Variants in TEX11 observed in about 807,000 individuals in gnomAD.
The protein encoded by TEX11 is testis expressed 11.
In TEX11, 7 loss-of-function variants were observed where a neutral mutation model predicts 84.4. The observed-to-expected ratio is 0.08, with a 90% CI of 0.05 to 0.16. TEX11 has a LOEUF of 0.16. Among genes scored for constraint, TEX11 ranks in the 10% least tolerant of loss-of-function variants. TEX11 has a pLI of 1.00. For synonymous variants in TEX11, 264 were observed against 222.8 expected (o/e 1.18, Z -1.64); for missense variants, 551 against 660.5 (o/e 0.83, Z 1.82).
intron 28 of TEX11, among the ~76,000 whole-genome samples, chrX:70,531,706 A>G (rs1195704916): frequency 9.0e-6 from 1 of 111,649 alleles, no homozygotes; most frequent in Non-Finnish European, 1.9e-5. Context: ...GGGGATGATG[A>G]AAATGTTCTA....
At chrX:70,773,728 G>A (rs1440418128) in intron 9 of TEX11, among the ~76,000 whole-genome samples, 2 of 111,716 alleles carry the variant, frequency 1.8e-5, no homozygotes, top group Non-Finnish European at 3.8e-5. Context: ...GCTAACTAAA[G>A]GCATCTCATA....
intron 25 of TEX11, among the ~76,000 whole-genome samples, chrX:70,573,195 C>G (rs1031884191): frequency 1.8e-5 from 2 of 110,763 alleles, no homozygotes; most frequent in African/African-American, 6.6e-5. Context: ...CCTGGAACCC[C>G]TACTATATTT....
At chrX:70,744,243 T>TATATATATATA in intron 9 of TEX11, 24 bp from the exon 10 acceptor site, 1 of 203,561 alleles carries the variant, frequency 4.9e-6, no homozygotes, top group Non-Finnish European at 7.8e-6. Context: ...GGAAAAAAAA[T>TATATATATATA]ATATATATAT....
intron 13 of TEX11, among the ~76,000 whole-genome samples, chrX:70,690,521 C>A (rs370085277): frequency 1.8e-5 from 2 of 110,763 alleles, no homozygotes; most frequent in South Asian, 3.9e-4. Context: ...AGTAAGACAC[C>A]CTGTCTCTAC....
chrX:70,693,028 G>C (rs1001416774), intron 13 of TEX11, among the ~76,000 whole-genome samples: 1 of 111,245 alleles, frequency 9.0e-6, no homozygotes, highest in Non-Finnish European at 1.9e-5. Context: ...ATTACCTGAG[G>C]TCAGGAGTTC....
At chrX:70,887,915 GA>G (rs1421413618) in intron 2 of TEX11, among the ~76,000 whole-genome samples, 4 of 112,695 alleles carry the variant, frequency 3.5e-5, no homozygotes, top group Non-Finnish European at 1.9e-5. Flanking sequence ...GAAAGTAAGA[GA>G]AAAGCCTCTG....
chrX:70,606,103 G>T (rs765059053), intron 23 of TEX11, among the ~76,000 whole-genome samples: 12 of 112,330 alleles, frequency 1.1e-4, no homozygotes, highest in Admixed American at 9.4e-4. Context: ...TAATTAAAAT[G>T]GCAGTTATGC....
intron 9 of TEX11, among the ~76,000 whole-genome samples, chrX:70,802,001 A>C (rs1467121716): frequency 9.0e-6 from 1 of 111,667 alleles, no homozygotes; most frequent in Non-Finnish European, 1.9e-5. Context: ...AAAACAAAAC[A>C]ACTAACATAC....
chrX:70,516,333 A>G, the TEX11 span, among the ~76,000 whole-genome samples: 13 of 112,066 alleles, frequency 1.2e-4, no homozygotes, highest in African/African-American at 3.9e-4. Context: ...TCAGCTTTCT[A>G]CATATGGCTA....
intron 28 of TEX11, among the ~76,000 whole-genome samples, chrX:70,543,842 C>A (rs971766676): frequency 1.8e-5 from 2 of 111,889 alleles, no homozygotes; most frequent in African/African-American, 6.5e-5. Context: ...AGTGTCCTTA[C>A]ACAAACTTAT....
intron 25 of TEX11, among the ~76,000 whole-genome samples, chrX:70,575,879 T>C (rs1168909836): frequency 8.9e-6 from 1 of 111,869 alleles, no homozygotes; most frequent in Non-Finnish European, 1.9e-5. Context: ...AATATCACCT[T>C]TTGGAATAGA....
chrX:70,690,490 C>T (rs774196591), intron 13 of TEX11, among the ~76,000 whole-genome samples: 2 of 111,064 alleles, frequency 1.8e-5, no homozygotes, highest in East Asian at 2.8e-4. Context: ...GCCAGAAGTT[C>T]GGGACGAGCC....
chrX:70,705,391 T>C (rs2090364083), intron 13 of TEX11, among the ~76,000 whole-genome samples: 1 of 111,654 alleles, frequency 9.0e-6, no homozygotes, highest in Non-Finnish European at 1.9e-5. Context: ...TTGGGCAGTA[T>C]GGCTATTTTC....
At chrX:70,724,095 T>C in intron 12 of TEX11, 2 of 753,297 alleles carry the variant, frequency 2.7e-6, no homozygotes, top group Non-Finnish European at 3.1e-6. Context: ...AACACTGTCA[T>C]AAGGAATTAT....
At chrX:70,780,292 C>CA (rs2091029971) in intron 9 of TEX11, among the ~76,000 whole-genome samples, 1 of 112,268 alleles carries the variant, frequency 8.9e-6, no homozygotes, top group African/African-American at 3.2e-5. Context: ...AAAAAAAAGA[C>CA]AAGACAAGAA....
intron 13 of TEX11, among the ~76,000 whole-genome samples, chrX:70,719,346 T>A (rs1454123706): frequency 8.9e-6 from 1 of 112,212 alleles, no homozygotes; most frequent in Non-Finnish European, 1.9e-5. Context: ...CATACTTAAG[T>A]TATTTTGACC....
At chrX:70,881,222 G>T (rs925861192) in intron 2 of TEX11, among the ~76,000 whole-genome samples, 1 of 107,587 alleles carries the variant, frequency 9.3e-6, no homozygotes, top group Non-Finnish European at 1.9e-5. Context: ...AGCTACTGGG[G>T]TGGCTGAGGC....
In TEX11 at chrX:70,529,832, T is replaced by A; in HGVS notation, c.2685+3A>T. ...CATCTGCCCTAGCCCTCTCCCTCCT[T>A]ACCTGAGTTTCATAGCTTTCCTTGA... On this transcript the variant is annotated splice_donor_region_variant and intron_variant, in intron 29 of 29. Coordinates refer to ENST00000374333, the MANE Select transcript of TEX11 (RefSeq NM_031276.3). The A allele has an allele frequency of 8.3e-7, 1 of 1,206,324 alleles. No homozygotes were observed. The highest frequency in any genetic ancestry group is 1.1e-6 in the Non-Finnish European group (1 of 892,763).
At chrX:70,842,721 A>G (rs1313114368) in intron 7 of TEX11, among the ~76,000 whole-genome samples, 7 of 111,817 alleles carry the variant, frequency 6.3e-5, no homozygotes, top group Non-Finnish European at 1.1e-4. Context: ...ATGATTGTAC[A>G]TCTAGAAAAC....
Sources: allele counts gnomAD v4.1 joint callset (sites outside exome capture counted in the v4.1 genomes callset), GRCh38; gene constraint gnomAD v4.1.1; transcripts MANE v1.5; gene names NCBI Gene and HGNC (gene_info 2026-07-23, HGNC 2026-07-21).